Variants in RELCH observed in about 807,000 individuals in gnomAD.
RELCH encodes RAB11-binding protein RELCH.
A neutral mutation model predicts 150.3 loss-of-function variants in RELCH; 41 were observed. That is an observed-to-expected ratio of 0.27 (90% CI 0.21 to 0.35). The LOEUF is 0.35. Ranked by LOEUF, RELCH falls within the 10% of genes least tolerant of loss-of-function variation. RELCH has a pLI of 1.00. For missense variants in RELCH, 1,092 were observed against 1,467.8 expected, an observed-to-expected ratio of 0.74 and a Z score of 4.18; for synonymous variants, 478 against 531.8, an observed-to-expected ratio of 0.90 and a Z score of 1.39.
At chr18:62,192,161 T>C (rs1201094977) in intron 1 of RELCH, among the ~76,000 whole-genome samples, 1 of 152,256 alleles carries the variant, frequency 6.6e-6, no homozygotes, top group East Asian at 1.9e-4. Flanking sequence ...GTTGAGCCTT[T>C]TTTCATATGC....
intron 26 of RELCH, among the ~76,000 whole-genome samples, chr18:62,290,477 G>C (rs2045059171): frequency 6.6e-6 from 1 of 152,168 alleles, no homozygotes; most frequent in African/African-American, 2.4e-5. Context: ...GTTGCAGTGA[G>C]CCAAGATTGT....
At chr18:62,274,192 C>A in intron 21 of RELCH, 106 bp downstream of exon 21, 1 of 686,248 alleles carries the variant, frequency 1.5e-6, no homozygotes, top group South Asian at 1.8e-5. Flanking sequence ...CACACCAATT[C>A]TCTTGGTTTT....
intron 2 of RELCH, among the ~76,000 whole-genome samples, chr18:62,219,331 T>C (rs576587873): frequency 2.0e-5 from 3 of 147,888 alleles, no homozygotes; most frequent in African/African-American, 7.3e-5. Flanking sequence ...TTTTCTTTTT[T>C]TTTTTTTTTT....
intron 7 of RELCH, among the ~76,000 whole-genome samples, 199 bp from the exon 8 acceptor site, chr18:62,228,106 A>G (rs2041325665): frequency 6.6e-6 from 1 of 152,122 alleles, no homozygotes; most frequent in Admixed American, 6.6e-5. Flanking sequence ...TTTATGCTTC[A>G]TTCTTGAGTT....
chr18:62,210,403 A>T (rs1052367061), intron 1 of RELCH, among the ~76,000 whole-genome samples: 5 of 152,028 alleles, frequency 3.3e-5, no homozygotes, highest in Admixed American at 3.3e-4. Flanking sequence ...TTTTGTCTGT[A>T]TTCTGCAGAT....
intron 27 of RELCH, among the ~76,000 whole-genome samples, chr18:62,297,318 AT>A (rs1568449318): frequency 1.3e-5 from 2 of 152,214 alleles, no homozygotes; most frequent in Non-Finnish European, 2.9e-5. Flanking sequence ...AAGTCTACTG[AT>A]GCATAAAGAG....
In RELCH at chr18:62,231,187, C is replaced by T; in HGVS notation, c.1449-7C>T. The T allele has an allele frequency of 6.4e-7, 1 of 1,557,662 alleles. No individual in the cohort carries two copies. On this transcript the variant is annotated splice_polypyrimidine_tract_variant and splice_region_variant and intron_variant, in intron 8 of 28. Coordinates refer to ENST00000644646, the MANE Select transcript of RELCH (RefSeq NM_001346231.2). ...ATATTGTCTCTTTTTCATACATTTT[C>T]TTCTAGGAAATTGTCTCCTGCATTC...
At chr18:62,204,011 A>T (rs868440667) in intron 1 of RELCH, among the ~76,000 whole-genome samples, 1 of 152,104 alleles carries the variant, frequency 6.6e-6, no homozygotes, top group Non-Finnish European at 1.5e-5. Flanking sequence ...TTGTATATAT[A>T]AATTTATTCT....
In RELCH at chr18:62,305,624, C is replaced by T; in HGVS notation, c.*90C>T. ...GAAGTACTTGCCTTTTTTGTTTCCT[C>T]AGTTTTATGTTCTTGCATTATAATT... On this transcript the variant is annotated 3_prime_UTR_variant, in exon 29 of 29. Coordinates refer to ENST00000644646, the MANE Select transcript of RELCH (RefSeq NM_001346231.2). The surrounding 1 kb of genome is among the most constrained non-coding windows in gnomAD (Gnocchi z 4.0). The T allele has an allele frequency of 7.4e-7, 1 of 1,343,792 alleles. No individual in the cohort carries two copies. Among genetic ancestry groups the T allele is most frequent in the Non-Finnish European group, 1.0e-6 (1 of 987,200 alleles). The allele number at this position is 1,343,792 out of a possible 1,614,324, so 83.2% of individuals were successfully genotyped here. A position where few individuals can be genotyped will look rare whatever the true frequency, so the allele number is the denominator to read the frequency against.
chr18:62,266,601 T>C (rs745816972), intron 18 of RELCH, 100 bp from the exon 19 acceptor site: 11 of 670,216 alleles, frequency 1.6e-5, no homozygotes, highest in Non-Finnish European at 2.8e-5. Flanking sequence ...TAAAGCTAAA[T>C]AAATAAATGA....
intron 2 of RELCH, among the ~76,000 whole-genome samples, chr18:62,214,299 T>A (rs1337676594): frequency 2.6e-5 from 4 of 152,136 alleles, no homozygotes; most frequent in Non-Finnish European, 4.4e-5. Context: ...TTTAAAAAAA[T>A]TTCAATTAAT....
At chr18:62,284,832 C>T (rs1034136850) in intron 25 of RELCH, among the ~76,000 whole-genome samples, 1 of 151,978 alleles carries the variant, frequency 6.6e-6, no homozygotes, top group African/African-American at 2.4e-5. Flanking sequence ...TATCACAGGA[C>T]CTTTGGTCTT....
At position 62,260,193 on chromosome 18, in the gene RELCH, CAA is replaced by C. The variant is rs377119786; in HGVS notation, c.2203-1307_2203-1306del. ...TGTAAGGATTCAAACAACTCAACAG[CAA>C]AAAAAAAAAATCCAATTAAGGAATG... On this transcript the variant is annotated intron_variant, in intron 15 of 28. Transcript: ENST00000644646. Among the ~76,000 whole-genome samples the C allele has an allele frequency of 1.6e-4, 15 of 95,806 alleles. No homozygotes were observed. The East Asian group carries it at 4.7e-3, about 30-fold the overall frequency. 62.9% of individuals were successfully genotyped at this position (95,806 alleles called of 152,430 possible). A position where few individuals can be genotyped will look rare whatever the true frequency, so the allele number is the denominator to read the frequency against.
intron 1 of RELCH, among the ~76,000 whole-genome samples, chr18:62,193,913 A>C (rs1360128904): frequency 3.9e-5 from 6 of 152,088 alleles, no homozygotes; most frequent in African/African-American, 1.4e-4. Context: ...GAATTTTGCA[A>C]ATATTTTCTT....
At position 62,228,387 on chromosome 18, in the gene RELCH, C is replaced by A; in HGVS notation, c.1237C>A (p.His413Asn). ...SVQPPLDQLP[H>N]KDSEDSGQHP... ...TCAGCCTCCTTTGGATCAGTTGCCC[C>A]ACAAAGACTCTGAGGACAGTGGACA... The change falls in exon 8 of 29, where the codon CAC becomes AAC. Residue 413 changes from histidine (H) to asparagine (N), a missense_variant. Transcript: ENST00000644646. 1 of 1,613,248 alleles carries A rather than the reference C, an allele frequency of 6.2e-7. No individual in the cohort carries two copies. Among genetic ancestry groups the A allele is most frequent in the Non-Finnish European group, 8.5e-7 (1 of 1,179,516 alleles).
In RELCH at chr18:62,187,916, C is replaced by G; in HGVS notation, c.411C>G (p.Phe137Leu). 1 of 1,596,238 alleles carries G rather than the reference C, an allele frequency of 6.3e-7. No individual in the cohort carries two copies. The highest frequency in any genetic ancestry group is 8.5e-7 in the Non-Finnish European group (1 of 1,172,400). Residue 137 changes from phenylalanine to leucine, a missense_variant, in exon 1 of 29, where the codon TTC becomes TTG. This residue lies in a region of RELCH where 190 missense variants were observed against 276.2 expected (regional missense o/e 0.69). Coordinates refer to ENST00000644646, the MANE Select transcript of RELCH (RefSeq NM_001346231.2). ...LRDYFSNPGNFERQSGTPPGM... is the reference protein window; with the variant it reads ...LRDYFSNPGNLERQSGTPPGM... ...ACTACTTCTCCAATCCAGGCAACTTCGAGAGGCAAAGTGGAACCCCGCCGG... is the reference window on the plus strand; with the variant it reads ...ACTACTTCTCCAATCCAGGCAACTTGGAGAGGCAAAGTGGAACCCCGCCGG...
intron 1 of RELCH, among the ~76,000 whole-genome samples, chr18:62,206,851 C>T (rs147400413): frequency 0.01 from 1,323 of 126,918 alleles, 6 homozygotes; most frequent in South Asian, 0.019. Context: ...GCTATTCATA[C>T]ACAACTTGTC....
At chr18:62,205,122 T>G (rs1229441817) in intron 1 of RELCH, among the ~76,000 whole-genome samples, 1 of 152,240 alleles carries the variant, frequency 6.6e-6, no homozygotes, top group Non-Finnish European at 1.5e-5. Flanking sequence ...ACATCTTATT[T>G]TTTATGCTTT....
intron 11 of RELCH, among the ~76,000 whole-genome samples, chr18:62,250,614 T>C (rs989930305): frequency 3.3e-5 from 5 of 152,172 alleles, no homozygotes; most frequent in Non-Finnish European, 7.4e-5. Context: ...GGGAATCAGA[T>C]AGATAAAAAC....
Sources: allele counts gnomAD v4.1 joint callset (sites outside exome capture counted in the v4.1 genomes callset), GRCh38; gene constraint gnomAD v4.1.1; regional missense constraint gnomAD v4.1.1; non-coding constraint Gnocchi (gnomAD v3.1); transcripts MANE v1.5; gene names NCBI Gene and HGNC (gene_info 2026-07-23, HGNC 2026-07-21).